HMBOX1: variants seen among roughly 807,000 people sequenced by gnomAD.
HMBOX1 encodes homeobox-containing protein 1.
Under a neutral mutation model 54.5 loss-of-function variants are expected in HMBOX1, and 14 were observed. The observed-to-expected ratio is 0.26, with a 90% confidence interval of 0.17 to 0.40. The LOEUF is 0.40. Ranked by LOEUF, HMBOX1 falls within the 10% of genes least tolerant of loss-of-function variation. The pLI, the probability that HMBOX1 is intolerant of heterozygous loss-of-function variation, is 1.00. For missense variants in HMBOX1, 332 were observed against 514.4 expected, an observed-to-expected ratio of 0.65 and a Z score of 3.43; for synonymous variants, 160 against 181.0, an observed-to-expected ratio of 0.88 and a Z score of 0.93.
intron 5 of HMBOX1, among the ~76,000 whole-genome samples, chr8:29,016,142 C>G (rs1586499832): frequency 6.6e-6 from 1 of 152,102 alleles, no homozygotes; most frequent in Non-Finnish European, 1.5e-5. Context: ...ATACAAAAGA[C>G]TGACAAATTT....
chr8:28,960,765 C>CTTTTTTTTTTTTTTTT lies in HMBOX1; in HGVS notation c.-57-3022_-57-3007dup, dbSNP rs1162477676. ...TTATTCTCTTTTTCTTTTTCTTTTTCTTTTTTTTTTTTTTTTTTTTTTTTT... is the reference window on the plus strand; with the variant it reads ...TTATTCTCTTTTTCTTTTTCTTTTTCTTTTTTTTTTTTTTTTTTTTTTTTTTTTTTTTTTTTTTTTT... On this transcript the variant is annotated intron_variant, in intron 1 of 9. Coordinates refer to ENST00000287701, the MANE Select transcript of HMBOX1 (RefSeq NM_001135726.3). Among the ~76,000 whole-genome samples, 7 of 16,244 alleles carry CTTTTTTTTTTTTTTTT rather than the reference C, an allele frequency of 4.3e-4. 1 individual carries two copies. Among genetic ancestry groups the CTTTTTTTTTTTTTTTT allele is most frequent in the Non-Finnish European group, 5.3e-4 (4 of 7,544 alleles). The allele number at this position is 16,244 out of a possible 152,430, so 10.7% of individuals were successfully genotyped here. A position where few individuals can be genotyped will look rare whatever the true frequency, so the allele number is the denominator to read the frequency against.
At chr8:28,923,720 C>T (rs781770311) in intron 1 of HMBOX1, among the ~76,000 whole-genome samples, 1 of 152,134 alleles carries the variant, frequency 6.6e-6, no homozygotes, top group African/African-American at 2.4e-5. Context: ...TATATCCCTA[C>T]CAGCAATATA....
intron 1 of HMBOX1, chr8:28,891,200 A>C (rs1000960554): frequency 6.6e-6 from 1 of 152,540 alleles, no homozygotes; most frequent in South Asian, 2.0e-4. Flanking sequence ...TGGGCTGGCG[A>C]CGTGGTGCGA....
chr8:28,923,840 G>A (rs1279899962), intron 1 of HMBOX1, among the ~76,000 whole-genome samples: 3 of 151,820 alleles, frequency 2.0e-5, no homozygotes, highest in African/African-American at 7.3e-5. Flanking sequence ...TTGAGGTTTT[G>A]ATTTGTATTT....
At chr8:28,936,233 A>G (rs1820383673) in intron 1 of HMBOX1, among the ~76,000 whole-genome samples, 1 of 152,004 alleles carries the variant, frequency 6.6e-6, no homozygotes, top group Admixed American at 6.5e-5. Flanking sequence ...CTGATTCTTG[A>G]CTGTAGGAAT....
At chr8:28,977,748 G>T (rs1828647107) in intron 3 of HMBOX1, among the ~76,000 whole-genome samples, 1 of 151,976 alleles carries the variant, frequency 6.6e-6, no homozygotes, top group South Asian at 2.1e-4. Context: ...AGACCATCCT[G>T]GCTAACACGG....
At chr8:28,947,306 A>C (rs1249365211) in intron 1 of HMBOX1, among the ~76,000 whole-genome samples, 2 of 152,166 alleles carry the variant, frequency 1.3e-5, no homozygotes, top group East Asian at 3.8e-4. Context: ...GGCTCTGTGG[A>C]ATTTGTTAGA....
chr8:28,923,271 C>G (rs544591374), intron 1 of HMBOX1, among the ~76,000 whole-genome samples: 1 of 152,176 alleles, frequency 6.6e-6, no homozygotes, highest in Non-Finnish European at 1.5e-5. Flanking sequence ...AACAGAATCA[C>G]GCAGTATACT....
intron 4 of HMBOX1, among the ~76,000 whole-genome samples, chr8:29,001,313 G>T (rs1296748731): frequency 2.0e-5 from 3 of 152,172 alleles, no homozygotes; most frequent in Admixed American, 2.0e-4. Flanking sequence ...ACTCTGGGAG[G>T]CCAAGGCGGG....
chr8:28,925,323 G>A (rs1488505890), intron 1 of HMBOX1, among the ~76,000 whole-genome samples: 1 of 152,090 alleles, frequency 6.6e-6, no homozygotes, highest in African/African-American at 2.4e-5. Flanking sequence ...ATAACCCAAG[G>A]TTTGCATCTG....
At chr8:28,908,438 A>G (rs929754388) in intron 1 of HMBOX1, among the ~76,000 whole-genome samples, 3 of 152,218 alleles carry the variant, frequency 2.0e-5, no homozygotes, top group Non-Finnish European at 4.4e-5. Flanking sequence ...TAAAAATGGA[A>G]AAACAAATGA....
intron 6 of HMBOX1, among the ~76,000 whole-genome samples, chr8:29,037,959 C>G (rs577367689): frequency 9.1e-4 from 138 of 152,300 alleles, no homozygotes; most frequent in Non-Finnish European, 1.6e-3. Context: ...TCTGGCAATC[C>G]TAAAACCTTA....
chr8:28,916,259 T>C (rs964681155), intron 1 of HMBOX1, among the ~76,000 whole-genome samples: 6 of 152,196 alleles, frequency 3.9e-5, no homozygotes, highest in African/African-American at 9.7e-5. Context: ...ATGAGTTTCA[T>C]TGTTTGTATT....
At chr8:29,009,940 G>A in intron 5 of HMBOX1, 2 of 1,075,910 alleles carry the variant, frequency 1.9e-6, no homozygotes, top group Non-Finnish European at 2.3e-6. Flanking sequence ...GTTCTGTAAT[G>A]CTGCAGCCTC....
chr8:28,913,567 C>G (rs1392349693), intron 1 of HMBOX1, among the ~76,000 whole-genome samples: 1 of 152,120 alleles, frequency 6.6e-6, no homozygotes, highest in Non-Finnish European at 1.5e-5. Context: ...TGTACTTTCC[C>G]TATAGTACAC....
chr8:29,019,013 A>G, intron 6 of HMBOX1, 100 bp downstream of exon 6: 2 of 1,033,986 alleles, frequency 1.9e-6, no homozygotes, highest in Non-Finnish European at 2.9e-6. Context: ...GTAACTTGGT[A>G]TCTTGGTTCT....
intron 6 of HMBOX1, among the ~76,000 whole-genome samples, chr8:29,037,980 C>A (rs568160649): frequency 2.0e-5 from 3 of 152,176 alleles, no homozygotes; most frequent in African/African-American, 7.2e-5. Flanking sequence ...TTTTGGATAA[C>A]TGAAATGATG....
intron 1 of HMBOX1, among the ~76,000 whole-genome samples, chr8:28,953,743 G>A (rs908676896): frequency 6.6e-6 from 1 of 152,164 alleles, no homozygotes; most frequent in South Asian, 2.1e-4. Flanking sequence ...AGCAGGGAGA[G>A]GAGGAGATAT....
intron 1 of HMBOX1, among the ~76,000 whole-genome samples, chr8:28,933,422 T>G (rs572482944): frequency 6.6e-6 from 1 of 152,146 alleles, no homozygotes; most frequent in East Asian, 1.9e-4. Context: ...AATGAGCAAA[T>G]TAAACCCAAA....
Sources: allele counts gnomAD v4.1 joint callset (sites outside exome capture counted in the v4.1 genomes callset), GRCh38; gene constraint gnomAD v4.1.1; transcripts MANE v1.5; gene names NCBI Gene and HGNC (gene_info 2026-07-23, HGNC 2026-07-21).